Variants in FHIT observed in about 807,000 individuals in gnomAD.
The protein encoded by FHIT is bis(5'-adenosyl)-triphosphatase.
A neutral mutation model predicts 17.9 loss-of-function variants in FHIT; 19 were observed. The observed-to-expected ratio is 1.06, with a 90% confidence interval of 0.74 to 1.56. The LOEUF is 1.56. Among genes scored for constraint, FHIT ranks in the 40% most tolerant of loss-of-function variants. The probability of loss-of-function intolerance (pLI) is 0.00; values close to 1 mark genes in which losing one functional copy is unlikely to be tolerated. For missense variants in FHIT, 248 were observed against 189.2 expected (o/e 1.31, Z -1.82); for synonymous variants, 81 against 69.7 (o/e 1.16, Z -0.81).
chr3:59,995,765 C>A (rs1699479870), intron 7 of FHIT, among the ~76,000 whole-genome samples: 1 of 152,076 alleles, frequency 6.6e-6, no homozygotes. Flanking sequence ...CAGTCTTCAA[C>A]ATAAAGAACC....
At chr3:61,159,984 G>T (rs1266748249) in intron 2 of FHIT, among the ~76,000 whole-genome samples, 6 of 152,112 alleles carry the variant, frequency 3.9e-5, no homozygotes, top group Non-Finnish European at 8.8e-5. Flanking sequence ...TGACACTAGG[G>T]AATGAAGGAA....
intron 5 of FHIT, among the ~76,000 whole-genome samples, chr3:60,025,101 G>A (rs1249295239): frequency 2.0e-5 from 3 of 152,160 alleles, no homozygotes; most frequent in African/African-American, 4.8e-5. Flanking sequence ...TTGGGTAGTA[G>A]GTGAAGAGTG....
chr3:60,880,649 T>C (rs2107124174), intron 3 of FHIT, among the ~76,000 whole-genome samples: 1 of 152,310 alleles, frequency 6.6e-6, no homozygotes, highest in Middle Eastern at 3.4e-3. Context: ...GGAGAATCAC[T>C]TGTACCCAGG....
chr3:59,752,325 T>C lies in FHIT; in HGVS notation c.349-4A>G, dbSNP rs1386654037. 1 of 1,605,086 alleles carries C rather than the reference T, an allele frequency of 6.2e-7. No homozygotes were observed. The highest frequency in any genetic ancestry group is 8.5e-7 in the Non-Finnish European group (1 of 1,176,920). ...CCTCCTTGTCATGTTTCTGGAGCTT[T>C]GGAGAAAAAAAAAGGAAGAGGCTCT... On this transcript the variant is annotated splice_polypyrimidine_tract_variant and splice_region_variant and intron_variant, in intron 8 of 9. Transcript: ENST00000492590.
intron 3 of FHIT, among the ~76,000 whole-genome samples, chr3:61,020,830 T>A (rs566271702): frequency 6.6e-6 from 1 of 151,988 alleles, no homozygotes; most frequent in Non-Finnish European, 1.5e-5. Flanking sequence ...AATAAAGGGA[T>A]GGTAGAATAT....
intron 4 of FHIT, among the ~76,000 whole-genome samples, chr3:60,620,919 C>T (rs1358945835): frequency 1.3e-5 from 2 of 152,078 alleles, no homozygotes; most frequent in Non-Finnish European, 1.5e-5. Context: ...AAACTCTGCA[C>T]TCGTTGCTCA....
At chr3:60,453,594 C>A (rs530391225) in intron 5 of FHIT, among the ~76,000 whole-genome samples, 1 of 152,246 alleles carries the variant, frequency 6.6e-6, no homozygotes, top group African/African-American at 2.4e-5. Context: ...TCAGGTTTCA[C>A]CATCAGTCCT....
chr3:60,203,336 G>A (rs923253595), intron 5 of FHIT, among the ~76,000 whole-genome samples: 4 of 152,010 alleles, frequency 2.6e-5, no homozygotes, highest in Admixed American at 6.6e-5. Flanking sequence ...GTAATGACAC[G>A]GTTCATCATC....
intron 5 of FHIT, among the ~76,000 whole-genome samples, chr3:60,015,302 G>C (rs1157183457): frequency 6.6e-6 from 1 of 152,080 alleles, no homozygotes; most frequent in African/African-American, 2.4e-5. Flanking sequence ...GAGGGGAAGA[G>C]AAAGAAGAAA....
intron 1 of FHIT, among the ~76,000 whole-genome samples, chr3:61,212,012 T>C (rs2039494220): frequency 6.6e-6 from 1 of 151,878 alleles, no homozygotes; most frequent in Non-Finnish European, 1.5e-5. Flanking sequence ...TACATAACCA[T>C]CATGAAAGAC....
At chr3:60,988,838 A>G (rs1201462850) in intron 3 of FHIT, among the ~76,000 whole-genome samples, 1 of 150,034 alleles carries the variant, frequency 6.7e-6, no homozygotes, top group Non-Finnish European at 1.5e-5. Flanking sequence ...TATATGGAAG[A>G]CAGCCTTGAG....
At chr3:60,829,225 A>G (rs1288433375) in intron 3 of FHIT, among the ~76,000 whole-genome samples, 1 of 152,154 alleles carries the variant, frequency 6.6e-6, no homozygotes, top group African/African-American at 2.4e-5. Context: ...AACACCTACT[A>G]CTATGTTTGA....
intron 2 of FHIT, among the ~76,000 whole-genome samples, chr3:61,150,797 C>A: frequency 6.6e-6 from 1 of 152,020 alleles, no homozygotes; most frequent in East Asian, 1.9e-4. Flanking sequence ...TTTTGGTACC[C>A]AGTCTACCAA....
chr3:60,698,975 A>T (rs1553701364), intron 4 of FHIT, among the ~76,000 whole-genome samples: 1 of 152,234 alleles, frequency 6.6e-6, no homozygotes, highest in East Asian at 1.9e-4. Flanking sequence ...TCACAAAATT[A>T]GATGATATTA....
intron 5 of FHIT, among the ~76,000 whole-genome samples, chr3:60,149,477 C>G (rs1354196200): frequency 6.6e-6 from 1 of 151,796 alleles, no homozygotes; most frequent in African/African-American, 2.4e-5. Flanking sequence ...AATGAGAAAA[C>G]AAGTATATGG....
chr3:60,521,647 G>A (rs1275028197), intron 5 of FHIT, among the ~76,000 whole-genome samples: 1 of 152,154 alleles, frequency 6.6e-6, no homozygotes, highest in African/African-American at 2.4e-5. Context: ...GAGCCCAGGA[G>A]GCAGGCAAAT....
intron 2 of FHIT, among the ~76,000 whole-genome samples, chr3:61,135,163 A>T (rs534212488): frequency 1.3e-5 from 2 of 152,322 alleles, no homozygotes; most frequent in South Asian, 2.1e-4. Context: ...GAAATGGCTA[A>T]TCATTCAGCC....
intron 4 of FHIT, among the ~76,000 whole-genome samples, chr3:60,563,075 G>A (rs1447960): frequency 6.6e-6 from 1 of 152,044 alleles, no homozygotes; most frequent in Non-Finnish European, 1.5e-5. Flanking sequence ...TATGTTCTAC[G>A]TGAAACTTTG....
intron 2 of FHIT, among the ~76,000 whole-genome samples, chr3:61,134,474 T>C (rs1366505444): frequency 6.6e-6 from 1 of 152,066 alleles, no homozygotes; most frequent in Admixed American, 6.6e-5. Flanking sequence ...TAAGAGCAGA[T>C]AGGATCAAGA....
Sources: allele counts gnomAD v4.1 joint callset (sites outside exome capture counted in the v4.1 genomes callset), GRCh38; gene constraint gnomAD v4.1.1; transcripts MANE v1.5; gene names NCBI Gene and HGNC (gene_info 2026-07-23, HGNC 2026-07-21).